Variants in TRPM3 observed in about 807,000 individuals in gnomAD.
TRPM3 encodes the protein long transient receptor potential channel 3.
In TRPM3, 77 loss-of-function variants were observed where a neutral mutation model predicts 181.2. The observed-to-expected ratio is 0.42, with a 90% CI of 0.35 to 0.51. The LOEUF is 0.51. Among genes scored for constraint, TRPM3 ranks in the 20% least tolerant of loss-of-function variants. The pLI is 0.01. For synonymous variants in TRPM3, 745 were observed against 796.4 expected (o/e 0.94, Z 1.09); for missense variants, 1,759 against 2,196.7 (o/e 0.80, Z 3.98).
chr9:70,670,294 AG>A (rs1394170977), intron 9 of TRPM3, among the ~76,000 whole-genome samples: 1 of 152,226 alleles, frequency 6.6e-6, no homozygotes, highest in Non-Finnish European at 1.5e-5. Context: ...ACCATTCCGC[AG>A]GGTTGTGAAA....
At chr9:71,284,731 A>G (rs964128018) in intron 1 of TRPM3, among the ~76,000 whole-genome samples, 58 of 152,188 alleles carry the variant, frequency 3.8e-4, no homozygotes, top group Admixed American at 2.6e-4. Flanking sequence ...TTTGCACTTT[A>G]CCATAACTCA....
rs59073325 is a variant in TRPM3 at position 71,206,882 on chromosome 9, A to G, written c.183+239771T>C. Among the ~76,000 whole-genome samples the G allele has an allele frequency of 4.4e-3, 636 of 146,202 alleles. 3 individuals are homozygous for G. Among genetic ancestry groups the G allele is most frequent in the African/African-American group, 0.015 (611 of 40,654 alleles). ...GCTTGTTTTGCAAAATGTTTTGCAG[A>G]AAAAAAAAATGACTTAAAATGTACA... On this transcript the variant is annotated intron_variant, in intron 1 of 24. Transcript: ENST00000357533.
chr9:70,893,096 C>T (rs2096235409), intron 1 of TRPM3, among the ~76,000 whole-genome samples: 1 of 152,156 alleles, frequency 6.6e-6, no homozygotes. Flanking sequence ...AAAGCAGAGT[C>T]TCCTGTGCTG....
chr9:71,261,048 C>G (rs1390612850), intron 1 of TRPM3, among the ~76,000 whole-genome samples: 2 of 152,112 alleles, frequency 1.3e-5, no homozygotes, highest in African/African-American at 4.8e-5. Context: ...GAATGTTGGC[C>G]TGCCTTGCTA....
chr9:70,549,741 G>C (rs1194254544), intron 24 of TRPM3, 67 bp from the exon 25 acceptor site: 5 of 1,493,950 alleles, frequency 3.3e-6, no homozygotes, highest in Non-Finnish European at 4.5e-6. Flanking sequence ...TGATTTGTGG[G>C]CCTAGTGACA....
At chr9:70,929,120 T>C (rs79489598) in intron 1 of TRPM3, among the ~76,000 whole-genome samples, 2,978 of 152,308 alleles carry the variant, frequency 0.02, 50 homozygotes, top group East Asian at 0.047. Flanking sequence ...AAGTAGTTTC[T>C]TGGTTTATTC....
intron 1 of TRPM3, among the ~76,000 whole-genome samples, chr9:71,091,591 A>T (rs1408566103): frequency 6.6e-6 from 1 of 152,108 alleles, no homozygotes; most frequent in African/African-American, 2.4e-5. Context: ...ATCCAGGGAG[A>T]GAAACCCAAT....
chr9:71,097,613 G>C (rs571626768), intron 1 of TRPM3, among the ~76,000 whole-genome samples: 1 of 151,094 alleles, frequency 6.6e-6, no homozygotes, highest in East Asian at 1.9e-4. Flanking sequence ...ATTCCATATA[G>C]GACCAAAAAA....
chr9:70,822,759 TTGTGTGTGTGTGTGTGTGTGTGTG>T (rs113090222), intron 6 of TRPM3, among the ~76,000 whole-genome samples: 8 of 147,100 alleles, frequency 5.4e-5, no homozygotes, highest in Non-Finnish European at 1.2e-4. Flanking sequence ...AAGATTTGTC[TTGTGTGTGTGTGTGTGTGTGTGTG>T]TGTGTGTGTG....
rs141995020 is a variant in TRPM3, at chr9:71,041,647, A to C, written c.177+79531T>G. 4.9e-4 allele frequency among the ~76,000 whole-genome samples: 75 copies of C among 152,282 alleles called. No individual in the cohort carries two copies. In the East Asian group the frequency reaches 7.3e-3, roughly 15 times the overall value. On this transcript the variant is annotated intron_variant, in intron 1 of 25. Coordinates refer to ENST00000677713, the MANE Select transcript of TRPM3 (RefSeq NM_001366145.2). ...ACTCAGGTACGAGCCATTCACAAAAAGGTTTAGTTGGCGACCTTAGGTTGG... is the reference window on the plus strand; with the variant it reads ...ACTCAGGTACGAGCCATTCACAAAACGGTTTAGTTGGCGACCTTAGGTTGG...
At chr9:70,616,920 C>T (rs1207951077) in intron 17 of TRPM3, among the ~76,000 whole-genome samples, 1 of 152,088 alleles carries the variant, frequency 6.6e-6, no homozygotes, top group Non-Finnish European at 1.5e-5. Flanking sequence ...GACTGTATTC[C>T]CCAAGTCCTC....
At chr9:71,345,254 G>T (rs1261872390) in intron 1 of TRPM3, among the ~76,000 whole-genome samples, 1 of 152,114 alleles carries the variant, frequency 6.6e-6, no homozygotes, top group East Asian at 1.9e-4. Context: ...ATGCCCAAAG[G>T]ATTACAAATC....
intron 1 of TRPM3, among the ~76,000 whole-genome samples, chr9:71,229,741 T>C (rs540738204): frequency 6.6e-6 from 1 of 152,176 alleles, no homozygotes; most frequent in Non-Finnish European, 1.5e-5. Flanking sequence ...AGGTATCACC[T>C]CACCCCAGTT....
intron 1 of TRPM3, among the ~76,000 whole-genome samples, chr9:71,290,911 GA>G (rs1199658718): frequency 1.3e-5 from 2 of 151,632 alleles, no homozygotes; most frequent in South Asian, 4.2e-4. Context: ...AAAAGGCAAG[GA>G]AAAAAGAAAA....
At chr9:71,422,067 C>G (rs941188469) in intron 1 of TRPM3, among the ~76,000 whole-genome samples, 1 of 151,934 alleles carries the variant, frequency 6.6e-6, no homozygotes, top group Non-Finnish European at 1.5e-5. Context: ...GTTTTCTCCC[C>G]TGAATATATG....
intron 9 of TRPM3, among the ~76,000 whole-genome samples, chr9:70,645,015 C>T (rs1020572444): frequency 6.6e-6 from 1 of 152,120 alleles, no homozygotes; most frequent in African/African-American, 2.4e-5. Flanking sequence ...TGTGAAGGAC[C>T]TGTTCAAGGA....
chr9:71,168,197 C>A (rs1323750843), intron 1 of TRPM3, among the ~76,000 whole-genome samples: 1 of 152,154 alleles, frequency 6.6e-6, no homozygotes, highest in Non-Finnish European at 1.5e-5. Context: ...TTTGAAGCCA[C>A]CAGACACTTC....
intron 7 of TRPM3, among the ~76,000 whole-genome samples, chr9:70,765,098 G>A (rs372222585): frequency 4.5e-4 from 69 of 152,292 alleles, no homozygotes; most frequent in African/African-American, 1.4e-3. Context: ...ATGCCCTAAG[G>A]AGGTTAAATG....
intron 1 of TRPM3, among the ~76,000 whole-genome samples, chr9:71,319,590 T>C (rs1229305993): frequency 1.3e-5 from 2 of 152,130 alleles, no homozygotes; most frequent in Non-Finnish European, 2.9e-5. Context: ...ACATTCTCTC[T>C]GGAAATGCCC....
Sources: allele counts gnomAD v4.1 joint callset (sites outside exome capture counted in the v4.1 genomes callset), GRCh38; gene constraint gnomAD v4.1.1; transcripts MANE v1.5; gene names NCBI Gene and HGNC (gene_info 2026-07-23, HGNC 2026-07-21).